PRKDC: variants seen among roughly 807,000 people sequenced by gnomAD.
PRKDC encodes the protein protein kinase, DNA-activated, catalytic subunit, also known as DNA-dependent protein kinase catalytic subunit.
In PRKDC, 82 loss-of-function variants were observed where a neutral mutation model predicts 486.9. The ratio of observed to expected loss-of-function variants is 0.17; its 90% CI spans 0.14 to 0.20. PRKDC has a LOEUF of 0.20. Ranked by LOEUF, PRKDC falls within the 10% of genes least tolerant of loss-of-function variation. The probability of loss-of-function intolerance (pLI) is 1.00; values close to 1 mark genes in which losing one functional copy is unlikely to be tolerated. For missense variants in PRKDC, 4,504 were observed against 5,038.2 expected (o/e 0.89, Z 3.21); for synonymous variants, 1,895 against 1,837.0 (o/e 1.03, Z -0.81).
At chr8:47,803,133 G>C (rs997781160) in intron 70 of PRKDC, among the ~76,000 whole-genome samples, 173 bp downstream of exon 70, 2 of 152,176 alleles carry the variant, frequency 1.3e-5, no homozygotes, top group Non-Finnish European at 2.9e-5. Context: ...CAAACACAAA[G>C]TTTTCAAAAT....
chr8:47,865,460 C>T (rs1387563961), intron 40 of PRKDC, among the ~76,000 whole-genome samples: 1 of 151,984 alleles, frequency 6.6e-6, no homozygotes, highest in African/African-American at 2.4e-5. Flanking sequence ...TTGCTATTTC[C>T]CAAACAGAAA....
intron 68 of PRKDC, among the ~76,000 whole-genome samples, chr8:47,812,790 A>C (rs1322209390): frequency 6.6e-6 from 1 of 152,076 alleles, no homozygotes; most frequent in Non-Finnish European, 1.5e-5. Context: ...AAATTAACAA[A>C]GTAAAAAACT....
At chr8:47,902,175 C>A (rs1464592361) in intron 27 of PRKDC, among the ~76,000 whole-genome samples, 1 of 152,118 alleles carries the variant, frequency 6.6e-6, no homozygotes, top group African/African-American at 2.4e-5. Context: ...TACCCCCCCA[C>A]CACCCACTAA....
intron 36 of PRKDC, among the ~76,000 whole-genome samples, chr8:47,884,003 A>C (rs2089278820): frequency 6.6e-6 from 1 of 152,224 alleles, no homozygotes; most frequent in African/African-American, 2.4e-5. Context: ...AGGGCTTGTC[A>C]GGATATTCTG....
At chr8:47,905,045 A>G in intron 25 of PRKDC, 69 bp from the exon 26 acceptor site, 1 of 1,117,126 alleles carries the variant, frequency 9.0e-7, no homozygotes, top group Non-Finnish European at 1.3e-6. Context: ...AAAGGGTTCC[A>G]TTTAAATGCC....
chr8:47,833,138 C>T (rs898252886), intron 59 of PRKDC, among the ~76,000 whole-genome samples: 8 of 152,356 alleles, frequency 5.3e-5, no homozygotes, highest in South Asian at 2.1e-4. Context: ...CAACTCACAG[C>T]ACATGCCAAA....
rs532699853 is a variant in PRKDC at position 47,901,091 on chromosome 8, T to C, written c.3270-624A>G. 2.7e-5 allele frequency among the ~76,000 whole-genome samples: 4 copies of C among 146,268 alleles called. No homozygotes were observed. In the East Asian group the frequency reaches 8.1e-4, roughly 30 times the overall value. ...ACCACTTGAGCTCAGGAGGTTGAGG[T>C]TGAGTCATGATCCCCCCACTGCACT... On this transcript the variant is annotated intron_variant, in intron 27 of 85. Coordinates refer to ENST00000314191, the MANE Select transcript of PRKDC (RefSeq NM_006904.7).
At chr8:47,852,806 CAT>C in intron 51 of PRKDC, 22 bp from the exon 52 acceptor site, 1 of 1,398,304 alleles carries the variant, frequency 7.2e-7, no homozygotes, top group Non-Finnish European at 9.9e-7. Context: ...ACAGAAAAGA[CAT>C]ATGCATCAAA....
chr8:47,826,545 G>T, intron 63 of PRKDC, 111 bp downstream of exon 63: 2 of 1,080,184 alleles, frequency 1.9e-6, no homozygotes, highest in Non-Finnish European at 2.6e-6. Context: ...TTTCACATTA[G>T]TGTTACTATC....
chr8:47,778,034 C>T (rs764734022), intron 83 of PRKDC, among the ~76,000 whole-genome samples, 160 bp from the exon 84 acceptor site: 1 of 152,132 alleles, frequency 6.6e-6, no homozygotes, highest in Admixed American at 6.5e-5. Context: ...TTCCTATGCT[C>T]GAGAGTAACC....
rs1291037783 is a variant in PRKDC, at chr8:47,855,395, G to C, written c.6610-22C>G. The C allele has an allele frequency of 1.9e-6, 3 of 1,559,994 alleles. No homozygotes were observed. The African/African-American group carries it at 4.1e-5, about 21-fold the overall frequency. On this transcript the variant is annotated intron_variant, in intron 49 of 85. Transcript: ENST00000314191. ...CCCCCTGAAAAGGTACAGAAATTCTGTATTAATATGCGGCATTCCATTCTG... is the reference window on the plus strand; with the variant it reads ...CCCCCTGAAAAGGTACAGAAATTCTCTATTAATATGCGGCATTCCATTCTG...
At position 47,885,985 on chromosome 8, in the gene PRKDC, C is replaced by T. The variant is rs2089319658; in HGVS notation, c.4735G>A (p.Val1579Ile). 1 of 1,613,924 alleles carries T rather than the reference C, an allele frequency of 6.2e-7. No homozygotes were observed. Among genetic ancestry groups the T allele is most frequent in the Non-Finnish European group, 8.5e-7 (1 of 1,179,876 alleles). Residue 1579 changes from valine to isoleucine, a missense_variant, in exon 36 of 86, where the codon GTA becomes ATA. By Grantham distance (29) the Val-to-Ile change is conservative. Transcript: ENST00000314191. ...ACTGAAGACTGCATGAGCTCCAATA[C>T]AGCAAGATCCAGATTTTTCAATAAT... ...TELLKNLDLA[V>I]LELMQSSVDN... is the part of the protein sequence containing the mutation.
chr8:47,793,442 C>CCT (rs2086917975), intron 74 of PRKDC, among the ~76,000 whole-genome samples: 1 of 151,716 alleles, frequency 6.6e-6, no homozygotes, highest in South Asian at 2.1e-4. Context: ...GAGTTCGAGA[C>CCT]CAGCCTGGCC....
chr8:47,837,947 C>T (rs989669453), intron 56 of PRKDC, among the ~76,000 whole-genome samples: 1 of 151,986 alleles, frequency 6.6e-6, no homozygotes, highest in Non-Finnish European at 1.5e-5. Context: ...ACCAGCCTGA[C>T]CAACATGGTG....
chr8:47,950,274 A>G (rs926322107), intron 7 of PRKDC, among the ~76,000 whole-genome samples: 80 of 145,896 alleles, frequency 5.5e-4, no homozygotes, highest in Non-Finnish European at 8.3e-4. Flanking sequence ...CTCTGTCTCA[A>G]AAAAAAAAAA....
chr8:47,949,474 T>C (rs971933452), intron 7 of PRKDC, among the ~76,000 whole-genome samples: 2 of 152,188 alleles, frequency 1.3e-5, no homozygotes, highest in Admixed American at 6.5e-5. Context: ...TAACACACAA[T>C]AAATGAGCAC....
intron 38 of PRKDC, 86 bp downstream of exon 38, chr8:47,881,330 A>T: frequency 1.2e-6 from 1 of 847,070 alleles, no homozygotes; most frequent in Non-Finnish European, 1.9e-6. Context: ...GAAATTTTCC[A>T]TAATAAAAAA....
chr8:47,813,378 A>C (rs1000257229), intron 68 of PRKDC, among the ~76,000 whole-genome samples: 4 of 152,110 alleles, frequency 2.6e-5, no homozygotes, highest in Non-Finnish European at 5.9e-5. Flanking sequence ...TCGGCCTCCT[A>C]AAGTGCTGGG....
At chr8:47,922,163 C>T (rs2090083247) in intron 21 of PRKDC, among the ~76,000 whole-genome samples, 1 of 149,228 alleles carries the variant, frequency 6.7e-6, no homozygotes, top group African/African-American at 2.5e-5. Context: ...AGAAGGGTCT[C>T]ACTCTGTCAC....
Sources: allele counts gnomAD v4.1 joint callset (sites outside exome capture counted in the v4.1 genomes callset), GRCh38; gene constraint gnomAD v4.1.1; transcripts MANE v1.5; gene names NCBI Gene and HGNC (gene_info 2026-07-23, HGNC 2026-07-21).